Variants in OR2C1 observed in about 807,000 individuals in gnomAD.
OR2C1 encodes olfactory receptor 2C1.
For missense variants in OR2C1, 468 were observed against 388.3 expected (o/e 1.21, Z -1.73); for synonymous variants, 209 against 167.3 (o/e 1.25, Z -1.92).
chr16:3,328,987 A>AAATT, the OR2C1 span, among the ~76,000 whole-genome samples: 122,176 of 148,908 alleles, frequency 0.82, 50,174 homozygotes, highest in East Asian at 0.93. Flanking sequence ...TGGACTAGGA[A>AAATT]AATTAATTAA....
chr16:3,342,970 C>G, the OR2C1 span, among the ~76,000 whole-genome samples: 1 of 152,058 alleles, frequency 6.6e-6, no homozygotes, highest in Non-Finnish European at 1.5e-5. Context: ...AATAGCCAAT[C>G]CAAGAAGGTT....
At chr16:3,325,081 A>C in the OR2C1 span, among the ~76,000 whole-genome samples, 7 of 152,130 alleles carry the variant, frequency 4.6e-5, no homozygotes, top group African/African-American at 1.7e-4. Flanking sequence ...TCCCAGGTTC[A>C]AGTGGTTCTT....
At chr16:3,339,183 C>T in the OR2C1 span, among the ~76,000 whole-genome samples, 3 of 151,964 alleles carry the variant, frequency 2.0e-5, no homozygotes, top group Non-Finnish European at 4.4e-5. Context: ...TAGCATATAT[C>T]AGTACTTTGT....
the OR2C1 span, among the ~76,000 whole-genome samples, chr16:3,329,074 C>T: frequency 2.0e-5 from 3 of 150,968 alleles, no homozygotes; most frequent in South Asian, 2.1e-4. Context: ...GGCTCACTGA[C>T]GGAGCCAAAG....
the OR2C1 span, among the ~76,000 whole-genome samples, chr16:3,330,788 G>A: frequency 1.3e-5 from 2 of 151,926 alleles, no homozygotes; most frequent in Non-Finnish European, 2.9e-5. Flanking sequence ...TGTAGCCCAG[G>A]CTGCATGCAG....
the OR2C1 span, among the ~76,000 whole-genome samples, chr16:3,338,584 C>T: frequency 3.1e-5 from 4 of 129,596 alleles, no homozygotes; most frequent in East Asian, 1.0e-3. Flanking sequence ...GTCGCCCCGG[C>T]TGGAGTGCAG....
the OR2C1 span, among the ~76,000 whole-genome samples, chr16:3,339,908 C>G: frequency 6.6e-6 from 1 of 152,116 alleles, no homozygotes; most frequent in Non-Finnish European, 1.5e-5. Flanking sequence ...GACTAATGAT[C>G]TTTAGCATCT....
chr16:3,347,408 C>G, the OR2C1 span, among the ~76,000 whole-genome samples: 1 of 151,788 alleles, frequency 6.6e-6, no homozygotes, highest in Non-Finnish European at 1.5e-5. Flanking sequence ...TTAAATTAAA[C>G]TAATTAAATT....
the OR2C1 span, among the ~76,000 whole-genome samples, chr16:3,336,453 C>T: frequency 6.6e-6 from 1 of 152,002 alleles, no homozygotes; most frequent in Admixed American, 6.6e-5. Context: ...CCTCTGCCTC[C>T]TGGTTTCAAG....
chr16:3,356,066 C>G lies in OR2C1; in HGVS notation c.126C>G (p.Asn42Lys). 1.2e-6 allele frequency: 2 copies of G among 1,614,182 alleles called. No homozygotes were observed. The highest frequency in any genetic ancestry group is 8.5e-7 in the Non-Finnish European group (1 of 1,180,038). Reference protein sequence around the residue: ...LFSYLLTLLGNSTIILLSRLE... With the variant: ...LFSYLLTLLGKSTIILLSRLE... ...CCTATTTGCTGACCCTACTTGGGAA[C>G]TCAACCATCATCTTGCTTTCCCGCC... The change falls in exon 1 of 1, where the codon AAC becomes AAG. Residue 42 changes from asparagine (N) to lysine (K), a missense_variant. Physicochemically the swap from Asn to Lys is moderately conservative, Grantham distance 94. Coordinates refer to ENST00000304936, the MANE Select transcript of OR2C1 (RefSeq NM_012368.3).
chr16:3,346,047 C>T, the OR2C1 span, among the ~76,000 whole-genome samples: 2 of 152,128 alleles, frequency 1.3e-5, no homozygotes, highest in Admixed American at 1.3e-4. Context: ...GTTGCCCAGG[C>T]TGGTCTTGAA....
chr16:3,338,553 T>TTTTTTTTTTTTTTTG, the OR2C1 span, among the ~76,000 whole-genome samples: 1 of 132,312 alleles, frequency 7.6e-6, no homozygotes. Flanking sequence ...TTTTTTTTTT[T>TTTTTTTTTTTTTTTG]TTGAAACGGA....
the OR2C1 span, among the ~76,000 whole-genome samples, chr16:3,350,377 T>C: frequency 1.0e-3 from 150 of 147,016 alleles, no homozygotes; most frequent in African/African-American, 3.6e-3. Flanking sequence ...TTTTGTTTGG[T>C]TGGTTGGTTG....
chr16:3,350,344 C>T, the OR2C1 span, among the ~76,000 whole-genome samples: 4 of 150,306 alleles, frequency 2.7e-5, no homozygotes, highest in South Asian at 2.1e-4. Flanking sequence ...CGTGAGCCAC[C>T]GCGCCCAGCC....
the OR2C1 span, among the ~76,000 whole-genome samples, chr16:3,343,480 G>A: frequency 3.3e-5 from 5 of 152,164 alleles, no homozygotes; most frequent in Non-Finnish European, 5.9e-5. Flanking sequence ...GGCCGGGCGC[G>A]GTGGCTCACG....
chr16:3,333,560 C>T, the OR2C1 span, among the ~76,000 whole-genome samples: 1 of 152,140 alleles, frequency 6.6e-6, no homozygotes, highest in Non-Finnish European at 1.5e-5. Context: ...TGGTCTCAAT[C>T]TCCTGACCTC....
the OR2C1 span, among the ~76,000 whole-genome samples, chr16:3,347,625 G>T: frequency 5.9e-5 from 9 of 151,926 alleles, no homozygotes; most frequent in Admixed American, 2.0e-4. Flanking sequence ...CATATATGTT[G>T]TTTTTCTCAG....
the OR2C1 span, among the ~76,000 whole-genome samples, chr16:3,333,644 A>G: frequency 6.6e-6 from 1 of 152,076 alleles, no homozygotes; most frequent in Non-Finnish European, 1.5e-5. Context: ...CAAGTTTACA[A>G]ATATTTTCTA....
At chr16:3,332,547 C>G in the OR2C1 span, among the ~76,000 whole-genome samples, 1 of 152,090 alleles carries the variant, frequency 6.6e-6, no homozygotes, top group Non-Finnish European at 1.5e-5. Flanking sequence ...CTAACCTTCT[C>G]AGGCTTCATG....
Sources: gnomAD v4.1 joint callset for allele counts (sites outside exome capture counted in the v4.1 genomes callset) on GRCh38, gnomAD v4.1.1 for gene constraint, MANE v1.5 for transcripts, NCBI Gene and HGNC (gene_info 2026-07-23, HGNC 2026-07-21) for gene names.